Variants in GLI3 observed in about 807,000 individuals in gnomAD.
GLI3 encodes the protein GLI family zinc finger 3.
Under a neutral mutation model 100.8 loss-of-function variants are expected in GLI3, and 20 were observed. That is an observed-to-expected ratio of 0.20 (90% CI 0.14 to 0.29). GLI3 has a LOEUF of 0.29. Ranked by LOEUF, GLI3 falls within the 10% of genes least tolerant of loss-of-function variation. The pLI, the probability that GLI3 is intolerant of heterozygous loss-of-function variation, is 1.00. For missense variants in GLI3, 2,040 were observed against 2,128.5 expected (o/e 0.96, Z 0.82); for synonymous variants, 938 against 860.5 (o/e 1.09, Z -1.58).
chr7:41,985,324 A>C (rs1787788848), intron 10 of GLI3, among the ~76,000 whole-genome samples: 1 of 152,142 alleles, frequency 6.6e-6, no homozygotes, highest in Non-Finnish European at 1.5e-5. Context: ...GCTTGAGTTA[A>C]TTAATACACT....
chr7:42,243,875 C>G (rs1012543753), intron 1 of GLI3, among the ~76,000 whole-genome samples: 4 of 152,062 alleles, frequency 2.6e-5, no homozygotes, highest in African/African-American at 7.3e-5. Context: ...GCTCTGTTGC[C>G]CAGGCTGGAG....
intron 2 of GLI3, among the ~76,000 whole-genome samples, chr7:42,205,239 C>T (rs913814598): frequency 1.4e-4 from 21 of 152,198 alleles, no homozygotes; most frequent in Admixed American, 1.1e-3. Flanking sequence ...CCACATCCTA[C>T]ACATACCTTC....
At chr7:42,205,293 G>A (rs1422285433) in intron 2 of GLI3, among the ~76,000 whole-genome samples, 1 of 152,168 alleles carries the variant, frequency 6.6e-6, no homozygotes, top group East Asian at 1.9e-4. Flanking sequence ...TCTGGCACCT[G>A]TAAGTCATTA....
Position 42,079,848 on chromosome 7 carries a change from G to A in GLI3, c.368-2991C>T, listed in dbSNP as rs563249654. 1.7e-3 allele frequency among the ~76,000 whole-genome samples: 254 copies of A among 152,206 alleles called. 1 individual carries two copies. Among genetic ancestry groups the A allele is most frequent in the Middle Eastern group, 3.4e-3 (1 of 294 alleles). Reference sequence around the variant, plus strand: ...GAATTATGACAAAGTACAAAACCACGTTTTTCACTCAAAATGTGTGAATTT... The same window carrying A: ...GAATTATGACAAAGTACAAAACCACATTTTTCACTCAAAATGTGTGAATTT... On this transcript the variant is annotated intron_variant, in intron 3 of 14. Transcript: ENST00000395925.
intron 2 of GLI3, among the ~76,000 whole-genome samples, chr7:42,176,855 G>A (rs1456305919): frequency 6.6e-6 from 1 of 152,150 alleles, no homozygotes; most frequent in Non-Finnish European, 1.5e-5. Flanking sequence ...AAGAGCACAG[G>A]ATCGCTTCCC....
intron 3 of GLI3, among the ~76,000 whole-genome samples, chr7:42,125,762 T>A (rs1254371440): frequency 2.0e-5 from 3 of 152,194 alleles, no homozygotes; most frequent in African/African-American, 7.2e-5. Context: ...AAGCCTCTTA[T>A]TTTTGAGGGT....
Position 41,972,136 on chromosome 7 carries a change from A to G in GLI3, c.2103+201T>C, listed in dbSNP as rs1787379184. On this transcript the variant is annotated intron_variant, in intron 13 of 14. Coordinates refer to ENST00000395925, the MANE Select transcript of GLI3 (RefSeq NM_000168.6). This position sits in a 1 kb window ranked among gnomAD's most constrained non-coding sequence, Gnocchi z 4.4. ...TGGTATGGTTCTGGGAGGGATTTTA[A>G]AAATCAGTTAGGAAACCTGGAAACT... Among the ~76,000 whole-genome samples, 1 of 152,140 alleles carries G rather than the reference A, an allele frequency of 6.6e-6. No individual in the cohort carries two copies. Among genetic ancestry groups the G allele is most frequent in the Non-Finnish European group, 1.5e-5 (1 of 68,022 alleles).
chr7:42,132,346 C>G (rs868419448), intron 3 of GLI3, among the ~76,000 whole-genome samples: 1 of 152,060 alleles, frequency 6.6e-6, no homozygotes, highest in Non-Finnish European at 1.5e-5. Context: ...CTGATCCGCC[C>G]GCCTTGACCT....
intron 4 of GLI3, among the ~76,000 whole-genome samples, chr7:42,050,498 G>A (rs1303480466): frequency 2.0e-5 from 3 of 152,168 alleles, no homozygotes; most frequent in East Asian, 1.9e-4. Flanking sequence ...ATCTTACACC[G>A]TATTTAGATG....
intron 1 of GLI3, among the ~76,000 whole-genome samples, chr7:42,250,948 C>G (rs190149085): frequency 7.7e-4 from 118 of 152,262 alleles, no homozygotes; most frequent in African/African-American, 2.7e-3. Flanking sequence ...AGACTGGGGC[C>G]CCTCAATTTA....
intron 3 of GLI3, among the ~76,000 whole-genome samples, chr7:42,111,164 C>T (rs1314401633): frequency 6.6e-6 from 1 of 152,184 alleles, no homozygotes. Flanking sequence ...TCTATCAACC[C>T]TTATCCACAC....
intron 2 of GLI3, among the ~76,000 whole-genome samples, chr7:42,207,459 T>C (rs1788179303): frequency 6.6e-6 from 1 of 152,226 alleles, no homozygotes; most frequent in Non-Finnish European, 1.5e-5. Context: ...TTTAAAATAT[T>C]TCACTAATGT....
At chr7:42,019,482 T>G (rs1206401400) in intron 10 of GLI3, among the ~76,000 whole-genome samples, 1 of 152,126 alleles carries the variant, frequency 6.6e-6, no homozygotes, top group African/African-American at 2.4e-5. Context: ...TTGGAAGAAG[T>G]TGGGCTGAGC....
At chr7:41,969,053 T>C (rs1187174596) in intron 13 of GLI3, among the ~76,000 whole-genome samples, 1 of 152,202 alleles carries the variant, frequency 6.6e-6, no homozygotes, top group Non-Finnish European at 1.5e-5. Context: ...GGGATTACTA[T>C]ATAAAATGGC....
At chr7:42,057,385 G>A (rs531646925) in intron 4 of GLI3, among the ~76,000 whole-genome samples, 2 of 152,314 alleles carry the variant, frequency 1.3e-5, no homozygotes, top group East Asian at 1.9e-4. Flanking sequence ...CTCTCAATAT[G>A]AGCGCAAGCT....
intron 5 of GLI3, among the ~76,000 whole-genome samples, chr7:42,047,691 G>A (rs547287850): frequency 6.0e-4 from 92 of 152,232 alleles, no homozygotes; most frequent in African/African-American, 2.2e-3. Flanking sequence ...AGTAATGGGG[G>A]GACTAACAGA....
chr7:41,994,002 T>A (rs2128719235), intron 10 of GLI3, among the ~76,000 whole-genome samples: 1 of 152,336 alleles, frequency 6.6e-6, no homozygotes, highest in African/African-American at 2.4e-5. Context: ...ATTTTAAAAT[T>A]TATTTTTGCC....
rs368522558 is a variant in GLI3 at position 42,162,727 on chromosome 7, C to T, written c.125-14259G>A. 3.1e-4 allele frequency among the ~76,000 whole-genome samples: 47 copies of T among 152,192 alleles called. No homozygotes were observed. In the East Asian group the frequency reaches 3.5e-3, roughly 11 times the overall value. Reference sequence around the variant, plus strand: ...ATCTTAGTATGGACCAGCTAGAAAACGAAACCACCCCTCCTATAAAATGAA... The same window carrying T: ...ATCTTAGTATGGACCAGCTAGAAAATGAAACCACCCCTCCTATAAAATGAA... On this transcript the variant is annotated intron_variant, in intron 2 of 14. Coordinates refer to ENST00000395925, the MANE Select transcript of GLI3 (RefSeq NM_000168.6).
intron 3 of GLI3, among the ~76,000 whole-genome samples, chr7:42,116,985 A>G (rs1562739231): frequency 6.6e-6 from 1 of 152,334 alleles, no homozygotes; most frequent in South Asian, 2.1e-4. Context: ...CTTGTGAACT[A>G]AACAGTGTCT....
Sources: allele counts gnomAD v4.1 joint callset (sites outside exome capture counted in the v4.1 genomes callset), GRCh38; gene constraint gnomAD v4.1.1; non-coding constraint Gnocchi (gnomAD v3.1); transcripts MANE v1.5; gene names NCBI Gene and HGNC (gene_info 2026-07-23, HGNC 2026-07-21).